The following BMI1 variants were observed in gnomAD, a reference collection of about 807,000 sequenced individuals.
BMI1 encodes polycomb complex protein BMI-1.
Under a neutral mutation model 39.1 loss-of-function variants are expected in BMI1, and 9 were observed. The observed-to-expected ratio is 0.23, with a 90% CI of 0.14 to 0.40. BMI1 has a LOEUF of 0.40. Ranked by LOEUF, BMI1 falls within the 10% of genes least tolerant of loss-of-function variation. The pLI is 1.00. For synonymous variants in BMI1, 131 were observed against 127.9 expected (o/e 1.02, Z -0.16); for missense variants, 252 against 390.8 (o/e 0.64, Z 2.99).
rs572913459 is a variant in BMI1, at chr10:22,328,705, A to C, written c.570+7A>C. On this transcript the variant is annotated splice_region_variant and intron_variant, in intron 8 of 9. Coordinates refer to ENST00000376663, the MANE Select transcript of BMI1 (RefSeq NM_005180.9). ...CATACCTAATACTTTCCAGGTATCTACTTTTATATTCTTCTTGCATTTTAC... is the reference window on the plus strand; with the variant it reads ...CATACCTAATACTTTCCAGGTATCTCCTTTTATATTCTTCTTGCATTTTAC... The C allele has an allele frequency of 4.5e-6, 7 of 1,557,624 alleles. No individual in the cohort carries two copies. The Admixed American group carries it at 1.4e-4, about 32-fold the overall frequency.
intron 1 of BMI1, among the ~76,000 whole-genome samples, chr10:22,324,997 A>G (rs1836097375): frequency 6.6e-6 from 1 of 152,092 alleles, no homozygotes; most frequent in South Asian, 2.1e-4. Context: ...CAAGCTGTTG[A>G]TTTAGCGTTG....
In BMI1 at chr10:22,327,139, C is replaced by G. The variant is rs145198868; in HGVS notation, c.209+153C>G. ...TGGAGGGTAGCCGTTTAATTTCTTG[C>G]CATATTAATGGTGACCAAGTTTAGA... On this transcript the variant is annotated intron_variant, in intron 3 of 9. Coordinates refer to ENST00000376663, the MANE Select transcript of BMI1 (RefSeq NM_005180.9). 1.5e-4 allele frequency among the ~76,000 whole-genome samples: 23 copies of G among 152,256 alleles called. 1 individual carries two copies. The East Asian group carries it at 4.4e-3, about 29-fold the overall frequency.
chr10:22,325,657 G>T (rs1019079809), intron 1 of BMI1: 1 of 147,060 alleles, frequency 6.8e-6, no homozygotes, highest in Non-Finnish European at 1.5e-5. Flanking sequence ...CGCCCCGCAC[G>T]CCCGCCGAGG....
chr10:22,330,980 C>T lies in BMI1; in HGVS notation c.*1438C>T, dbSNP rs929618193. ...TCATGTTTGTATGGGAAAATTGTAG[C>T]TAAACATTTCATTGTCCCCAGTCTG... On this transcript the variant is annotated 3_prime_UTR_variant, in exon 10 of 10. Coordinates refer to ENST00000376663, the MANE Select transcript of BMI1 (RefSeq NM_005180.9). 6.6e-6 allele frequency: 1 copy of T among 152,534 alleles called. No homozygotes were observed. Among genetic ancestry groups the T allele is most frequent in the African/African-American group, 2.4e-5 (1 of 41,426 alleles). The allele number at this position is 152,534 out of a possible 1,614,324, so 9.4% of individuals were successfully genotyped here.
At chr10:22,326,705 C>T (rs757715791) in intron 2 of BMI1, 144 bp downstream of exon 2, 101 of 1,372,066 alleles carry the variant, frequency 7.4e-5, no homozygotes, top group Non-Finnish European at 9.2e-5. Context: ...CATCTAATGA[C>T]TTTTTGTTAA....
chr10:22,328,600 G>C lies in BMI1; in HGVS notation c.472G>C (p.Val158Leu). Residue 158 changes from valine to leucine, a missense_variant and splice_region_variant, in exon 8 of 10, where the codon GTG (valine) becomes CTG (leucine). This residue lies in a region of BMI1 where 67 missense variants were observed against 69.9 expected (regional missense o/e 0.96). Transcript: ENST00000376663. Reference protein sequence around the residue: ...NKDKEKSKEEVNDKRYLRCPA... With the variant: ...NKDKEKSKEELNDKRYLRCPA... ...GTTACTTTTCTAAATGTACTTTTAG[G>C]TGAATGATAAAAGATACTTACGATG... 6.3e-7 allele frequency: 1 copy of C among 1,588,544 alleles called. No individual in the cohort carries two copies. The highest frequency in any genetic ancestry group is 8.5e-7 in the Non-Finnish European group (1 of 1,171,340).
intron 1 of BMI1, 96 bp downstream of exon 1, chr10:22,321,792 C>G (rs1302860401): frequency 6.9e-6 from 1 of 144,782 alleles, no homozygotes; most frequent in African/African-American, 2.5e-5. Context: ...GAGCCCCCCC[C>G]GCGCCCCGGC....
chr10:22,331,413 G>T lies in BMI1; in HGVS notation c.*1871G>T, dbSNP rs1483168411. On this transcript the variant is annotated 3_prime_UTR_variant, in exon 10 of 10. Transcript: ENST00000376663. ...GAAGTACATGCTTTGTTGTAAAATTGCTTGAAAGCCCATTGAAAGATGTAT... is the reference window on the plus strand; with the variant it reads ...GAAGTACATGCTTTGTTGTAAAATTTCTTGAAAGCCCATTGAAAGATGTAT... 1 of 152,112 alleles carries T rather than the reference G, an allele frequency of 6.6e-6. No individual in the cohort carries two copies. Among genetic ancestry groups the T allele is most frequent in the Non-Finnish European group, 1.5e-5 (1 of 67,954 alleles). The allele number at this position is 152,112 out of a possible 1,614,324, so 9.4% of individuals were successfully genotyped here. A position where few individuals can be genotyped will look rare whatever the true frequency, so the allele number is the denominator to read the frequency against.
intron 8 of BMI1, 126 bp from the exon 9 acceptor site, chr10:22,328,922 G>C: frequency 9.0e-7 from 1 of 1,110,546 alleles, no homozygotes; most frequent in Admixed American, 2.7e-5. Context: ...GAAGTTTCAG[G>C]AGTCTTTCTT....
In BMI1 at chr10:22,331,484, A is replaced by G. The variant is rs570223399; in HGVS notation, c.*1942A>G. On this transcript the variant is annotated 3_prime_UTR_variant, in exon 10 of 10. Coordinates refer to ENST00000376663, the MANE Select transcript of BMI1 (RefSeq NM_005180.9). ...AAGTAAAAGTTACCAATGTTTGCCA[A>G]TTTTGGTGAATTTAACTCATTTTCT... 1.3e-5 allele frequency: 2 copies of G among 152,290 alleles called. No homozygotes were observed. The highest frequency in any genetic ancestry group is 1.9e-4 in the East Asian group (1 of 5,192). The allele number at this position is 152,290 out of a possible 1,614,324, so 9.4% of individuals were successfully genotyped here. A position where few individuals can be genotyped will look rare whatever the true frequency, so the allele number is the denominator to read the frequency against.
intron 1 of BMI1, among the ~76,000 whole-genome samples, chr10:22,322,916 T>C (rs1836045209): frequency 6.6e-6 from 1 of 152,232 alleles, no homozygotes; most frequent in Admixed American, 6.5e-5. Flanking sequence ...GAGACTTTGA[T>C]CATTACCACT....
rs141695635 is a variant in BMI1 at position 22,329,020 on chromosome 10, ATTAC to A, written c.571-24_571-21del. On this transcript the variant is annotated intron_variant, in intron 8 of 9. Transcript: ENST00000376663. ...AATGTACATTTACCTTTGTTCTTTT[ATTAC>A]TTAATAAAAATATTTTTCACTAGAT... 1.9e-3 allele frequency: 3,010 copies of A among 1,565,056 alleles called. 40 individuals carry two copies. The African/African-American group carries it at 0.031, about 16-fold the overall frequency.
rs1328484299 is a variant in BMI1 at position 22,331,050 on chromosome 10, A to T, written c.*1508A>T. ...TTGCTTTGTCTTGCTTATAGTCATT[A>T]AATCATTACTTTTACATATATTGCT... On this transcript the variant is annotated 3_prime_UTR_variant, in exon 10 of 10. Transcript: ENST00000376663. 6.6e-6 allele frequency: 1 copy of T among 152,592 alleles called. No individual in the cohort carries two copies. The highest frequency in any genetic ancestry group is 2.4e-5 in the African/African-American group (1 of 41,454). 9.5% of individuals were successfully genotyped at this position (152,592 alleles called of 1,614,324 possible).
rs183301792 is a variant in BMI1 at position 22,328,867 on chromosome 10, A to G, written c.570+169A>G. Among the ~76,000 whole-genome samples, 3 of 152,324 alleles carry G rather than the reference A, an allele frequency of 2.0e-5. No homozygotes were observed. In the East Asian group the frequency reaches 5.8e-4, roughly 29 times the overall value. On this transcript the variant is annotated intron_variant, in intron 8 of 9. Transcript: ENST00000376663. ...GGTATACATTCTCTTTTATGCTATG[A>G]AAACAAATCCCTTAACACTCTCTAG...
chr10:22,327,943 G>A lies in BMI1; in HGVS notation c.317-7G>A, dbSNP rs143314093. 4.4e-6 allele frequency: 7 copies of A among 1,595,012 alleles called. No individual in the cohort carries two copies. Among genetic ancestry groups the A allele is most frequent in the Non-Finnish European group, 6.0e-6 (7 of 1,174,962 alleles). ...TTTAAAAATTACATTTCACTATATCGTTATAGCTGCCAATGGCTCTAATGA... is the reference window on the plus strand; with the variant it reads ...TTTAAAAATTACATTTCACTATATCATTATAGCTGCCAATGGCTCTAATGA... On this transcript the variant is annotated splice_polypyrimidine_tract_variant and splice_region_variant and intron_variant, in intron 5 of 9. Transcript: ENST00000376663.
chr10:22,329,154 T>A (rs748236437), intron 9 of BMI1, 26 bp downstream of exon 9: 5 of 1,611,092 alleles, frequency 3.1e-6, no homozygotes, highest in Non-Finnish European at 4.2e-6. Flanking sequence ...GTTGTTAGAT[T>A]ATGATGGTAA....
intron 7 of BMI1, 114 bp from the exon 8 acceptor site, chr10:22,328,485 TG>T (rs1315420074): frequency 9.9e-7 from 1 of 1,014,410 alleles, no homozygotes; most frequent in Admixed American, 3.1e-5. Context: ...GTTGAGAGGT[TG>T]GTCACCTCCA....
In BMI1 at chr10:22,328,189, A is replaced by T. The variant is rs1303542001; in HGVS notation, c.471+10A>T. ...GAAATCTAAGGAGGAGGTATGTTTC[A>T]TGTTACAAAAACATATAGAAGAAAC... On this transcript the variant is annotated intron_variant, in intron 7 of 9. Transcript: ENST00000376663. 1 of 1,596,226 alleles carries T rather than the reference A, an allele frequency of 6.3e-7. No individual in the cohort carries two copies. The highest frequency in any genetic ancestry group is 1.4e-5 in the African/African-American group (1 of 73,756).
At chr10:22,325,801 G>C (rs1489150012) in intron 1 of BMI1, 1 of 152,010 alleles carries the variant, frequency 6.6e-6, no homozygotes, top group Non-Finnish European at 1.5e-5. Context: ...GGCGCCGCCG[G>C]ATCCGCCCCT....
Sources: allele counts gnomAD v4.1 joint callset (sites outside exome capture counted in the v4.1 genomes callset), GRCh38; gene constraint gnomAD v4.1.1; regional missense constraint gnomAD v4.1.1; transcripts MANE v1.5; gene names NCBI Gene and HGNC (gene_info 2026-07-23, HGNC 2026-07-21).